RCVRN: variants seen among roughly 807,000 people sequenced by gnomAD.
The protein encoded by RCVRN is recoverin.
RCVRN carries 23 observed loss-of-function variants against 20.4 expected under a neutral mutation model. That is an observed-to-expected ratio of 1.13 (90% CI 0.81 to 1.60). The LOEUF (loss-of-function observed/expected upper bound fraction) is 1.60, where lower values mean the gene tolerates loss of function less well. Among genes scored for constraint, RCVRN ranks in the 40% most tolerant of loss-of-function variants. The pLI is 0.00. For synonymous variants in RCVRN, 105 were observed against 105.9 expected, an observed-to-expected ratio of 0.99 and a Z score of 0.05; for missense variants, 254 against 254.2, an observed-to-expected ratio of 1.00 and a Z score of 0.00.
rs542039905 is a variant in RCVRN, at chr17:9,899,559, T to G, written c.494-1355A>C. Among the ~76,000 whole-genome samples, 2 of 150,270 alleles carry G rather than the reference T, an allele frequency of 1.3e-5. No individual in the cohort carries two copies. Among genetic ancestry groups the G allele is most frequent in the Admixed American group, 1.3e-4 (2 of 15,040 alleles). ...ACACATGAACGGACCCAGAGGGAGGTCGCGAAGCCAGTTAAGGAGCCAGTG... is the reference window on the plus strand; with the variant it reads ...ACACATGAACGGACCCAGAGGGAGGGCGCGAAGCCAGTTAAGGAGCCAGTG... On this transcript the variant is annotated intron_variant, in intron 2 of 2. Transcript: ENST00000226193. The surrounding 1 kb of genome is among the most constrained non-coding windows in gnomAD (Gnocchi z 4.6).
chr17:9,898,181 T>C lies in RCVRN; in HGVS notation c.517A>G (p.Ile173Val). 1 of 1,613,124 alleles carries C rather than the reference T, an allele frequency of 6.2e-7. No individual in the cohort carries two copies. The highest frequency in any genetic ancestry group is 8.5e-7 in the Non-Finnish European group (1 of 1,179,040). The change falls in exon 3 of 3, where the codon ATT becomes GTT. Residue 173 changes from isoleucine (I) to valine (V), a missense_variant. Transcript: ENST00000226193. ...TCCTTATTGGCCAGTGTCCCCTCAA[T>C]GAATTCTTTCTCTGTAAGTTTATCT... Reference protein sequence around the residue: ...DDDKLTEKEFIEGTLANKEIL... With the variant: ...DDDKLTEKEFVEGTLANKEIL...
At chr17:9,903,683 C>T (rs1363038447) in intron 1 of RCVRN, among the ~76,000 whole-genome samples, 5 of 152,286 alleles carry the variant, frequency 3.3e-5, no homozygotes, top group South Asian at 2.1e-4. Context: ...AGTCACGTGT[C>T]GCTCAGAGAC....
At chr17:9,901,490 G>A (rs1245133579) in intron 1 of RCVRN, among the ~76,000 whole-genome samples, 2 of 152,112 alleles carry the variant, frequency 1.3e-5, no homozygotes, top group African/African-American at 4.8e-5. Context: ...GTCAGGCAGG[G>A]GCAATAATGG....
rs78621042 is a variant in RCVRN, at chr17:9,899,466, C to A, written c.494-1262G>T. Among the ~76,000 whole-genome samples the A allele has an allele frequency of 6.6e-6, 1 of 152,210 alleles. No homozygotes were observed. The highest frequency in any genetic ancestry group is 2.4e-5 in the African/African-American group (1 of 41,460). ...AACACGTCGACCTCGGGGCTTCTGA[C>A]GTCATCCCCTCCCGGGATGTTCACC... On this transcript the variant is annotated intron_variant, in intron 2 of 2. Coordinates refer to ENST00000226193, the MANE Select transcript of RCVRN (RefSeq NM_002903.3). The surrounding 1 kb of genome is among the most constrained non-coding windows in gnomAD (Gnocchi z 4.6).
chr17:9,898,240 C>T lies in RCVRN; in HGVS notation c.494-36G>A, dbSNP rs137861058. On this transcript the variant is annotated intron_variant, in intron 2 of 2. Coordinates refer to ENST00000226193, the MANE Select transcript of RCVRN (RefSeq NM_002903.3). ...GGAAAAAATATATACGTACATAAAA[C>T]AGTCAGGATTGATAGCCAAGTGAGC... 22 of 1,338,238 alleles carry T rather than the reference C, an allele frequency of 1.6e-5. No homozygotes were observed. In the East Asian group the frequency reaches 3.9e-4, roughly 24 times the overall value. The allele number at this position is 1,338,238 out of a possible 1,614,324, so 82.9% of individuals were successfully genotyped here. A position where few individuals can be genotyped will look rare whatever the true frequency, so the allele number is the denominator to read the frequency against.
chr17:9,902,826 C>T (rs988580916), intron 1 of RCVRN, among the ~76,000 whole-genome samples: 41 of 152,146 alleles, frequency 2.7e-4, no homozygotes, highest in Non-Finnish European at 2.9e-5. Context: ...GGTGAAACCC[C>T]GTCTCTACTA....
At position 9,898,223 on chromosome 17, in the gene RCVRN, T is replaced by C. The variant is rs763152055; in HGVS notation, c.494-19A>G. 1 of 1,463,130 alleles carries C rather than the reference T, an allele frequency of 6.8e-7. No individual in the cohort carries two copies. The highest frequency in any genetic ancestry group is 9.6e-7 in the Non-Finnish European group (1 of 1,042,134). The allele number at this position is 1,463,130 out of a possible 1,614,324, so 90.6% of individuals were successfully genotyped here. On this transcript the variant is annotated intron_variant, in intron 2 of 2. Coordinates refer to ENST00000226193, the MANE Select transcript of RCVRN (RefSeq NM_002903.3). The stretch of plus-strand genomic sequence containing the variant: ...AGTTTATCTGTGCATTGGGAAAAAA[T>C]ATATACGTACATAAAACAGTCAGGA...
chr17:9,901,131 G>T, intron 1 of RCVRN, 31 bp from the exon 2 acceptor site: 1 of 1,344,394 alleles, frequency 7.4e-7, no homozygotes, highest in Non-Finnish European at 1.0e-6. Context: ...GAACTCGTTA[G>T]GAGGAACTTT....
At chr17:9,902,923 A>T (rs2152054882) in intron 1 of RCVRN, among the ~76,000 whole-genome samples, 1 of 152,178 alleles carries the variant, frequency 6.6e-6, no homozygotes, top group Middle Eastern at 3.4e-3. Context: ...CAGGAGGGGG[A>T]GGTTGCAGTG....
At position 9,905,219 on chromosome 17, in the gene RCVRN, G is replaced by A; in HGVS notation, c.-39C>T. The A allele has an allele frequency of 6.4e-7, 1 of 1,560,938 alleles. No individual in the cohort carries two copies. The highest frequency in any genetic ancestry group is 8.7e-7 in the Non-Finnish European group (1 of 1,155,934). Reference sequence around the variant, plus strand: ...TGGGCAGCGGCTGGGGAGTCGCTGGGTGGGTGGGACGTGCGTGGTCCCCTG... The same window carrying A: ...TGGGCAGCGGCTGGGGAGTCGCTGGATGGGTGGGACGTGCGTGGTCCCCTG... On this transcript the variant is annotated 5_prime_UTR_variant, in exon 1 of 3. Transcript: ENST00000226193.
intron 2 of RCVRN, among the ~76,000 whole-genome samples, chr17:9,900,285 C>T (rs762796901): frequency 7.9e-5 from 12 of 152,174 alleles, no homozygotes; most frequent in Non-Finnish European, 1.3e-4. Flanking sequence ...AGACACACAG[C>T]CCCAGCAGCC....
In RCVRN at chr17:9,904,934, A is replaced by G. The variant is rs2067356849; in HGVS notation, c.247T>C (p.Phe83Leu). 1 of 1,614,174 alleles carries G rather than the reference A, an allele frequency of 6.2e-7. No individual in the cohort carries two copies. The highest frequency in any genetic ancestry group is 2.2e-5 in the East Asian group (1 of 44,880). Residue 83 changes from phenylalanine (F) to leucine (L), a missense_variant, in exon 1 of 3, where the codon TTC becomes CTC. Transcript: ENST00000226193. The surrounding 1 kb of genome is among the most constrained non-coding windows in gnomAD (Gnocchi z 5.8). ...TGCAGGGCGATGACGTACTCCTTGA[A>G]GTCCAGGGTGCCGTCGAGGTTGGAA... ...FDSNLDGTLD[F>L]KEYVIALHMT...
Position 9,904,445 on chromosome 17 carries a change from A to G in RCVRN, c.381+355T>C, listed in dbSNP as rs1161791486. Among the ~76,000 whole-genome samples the G allele has an allele frequency of 6.6e-6, 1 of 152,226 alleles. No individual in the cohort carries two copies. Among genetic ancestry groups the G allele is most frequent in the Non-Finnish European group, 1.5e-5 (1 of 68,034 alleles). On this transcript the variant is annotated intron_variant, in intron 1 of 2. Coordinates refer to ENST00000226193, the MANE Select transcript of RCVRN (RefSeq NM_002903.3). This position sits in a 1 kb window ranked among gnomAD's most constrained non-coding sequence, Gnocchi z 5.8. ...GCTACACTAAATGCATTTGAAAAAT[A>G]AAGTAACTGTGCTATGACGTCACTA... is the stretch of plus-strand genomic sequence containing the variant.
rs1163848635 is a variant in RCVRN at position 9,897,952 on chromosome 17, G to A, written c.*143C>T. On this transcript the variant is annotated 3_prime_UTR_variant, in exon 3 of 3. Coordinates refer to ENST00000226193, the MANE Select transcript of RCVRN (RefSeq NM_002903.3). The stretch of plus-strand genomic sequence containing the variant: ...GCAGGGAGCTGTGCTGTGGGCTTGT[G>A]TGCAGGCCTTTCTCTTGGCCCTGGG... 1.5e-6 allele frequency: 1 copy of A among 662,760 alleles called. No individual in the cohort carries two copies. Among genetic ancestry groups the A allele is most frequent in the Non-Finnish European group, 2.7e-6 (1 of 366,240 alleles). 41.1% of individuals were successfully genotyped at this position (662,760 alleles called of 1,614,324 possible). A position where few individuals can be genotyped will look rare whatever the true frequency, so the allele number is the denominator to read the frequency against.
rs764050659 is a variant in RCVRN at position 9,904,845 on chromosome 17, G to A, written c.336C>T (p.Asp112=). The A allele has an allele frequency of 3.7e-6, 6 of 1,614,024 alleles. No individual in the cohort carries two copies. The highest frequency in any genetic ancestry group is 2.7e-5 in the African/African-American group (2 of 74,928). ...LEWAFSLYDV[D]GNGTISKNEV... ...CATTCTTGCTGATGGTCCCGTTACC[G>A]TCCACGTCGTAGAGGGAGAAGGCCC... is the stretch of plus-strand genomic sequence containing the variant. The change falls in exon 1 of 3, where the codon GAC becomes GAT. Residue 112 remains aspartate (D), a synonymous_variant. Transcript: ENST00000226193. The surrounding 1 kb of genome is among the most constrained non-coding windows in gnomAD (Gnocchi z 5.8).
intron 1 of RCVRN, among the ~76,000 whole-genome samples, chr17:9,902,081 CCT>C (rs993489811): frequency 1.6e-4 from 24 of 151,644 alleles, no homozygotes; most frequent in African/African-American, 5.1e-4. Flanking sequence ...CTTGCTTCCC[CCT>C]CTTTCCTTCC....
rs569190254 is a variant in RCVRN at position 9,904,621 on chromosome 17, G to A, written c.381+179C>T. ...GCTCCGGGAAGACAACGAAGCTGTG[G>A]GCAAGTGCCCACCCCTCTATCAATA... On this transcript the variant is annotated intron_variant, in intron 1 of 2. Coordinates refer to ENST00000226193, the MANE Select transcript of RCVRN (RefSeq NM_002903.3). This position sits in a 1 kb window ranked among gnomAD's most constrained non-coding sequence, Gnocchi z 5.8. Among the ~76,000 whole-genome samples, 2 of 152,268 alleles carry A rather than the reference G, an allele frequency of 1.3e-5. No individual in the cohort carries two copies. Among genetic ancestry groups the A allele is most frequent in the East Asian group, 1.9e-4 (1 of 5,178 alleles).
chr17:9,904,223 CAG>C lies in RCVRN; in HGVS notation c.381+575_381+576del, dbSNP rs2067353109. Among the ~76,000 whole-genome samples the C allele has an allele frequency of 6.6e-6, 1 of 152,118 alleles. No individual in the cohort carries two copies. ...ACTATTGCACTCCAGCTCTGGGCTA[CAG>C]AGTGAGACTCCATCTCAAAAAAATA... On this transcript the variant is annotated intron_variant, in intron 1 of 2. Transcript: ENST00000226193. The surrounding 1 kb of genome is among the most constrained non-coding windows in gnomAD (Gnocchi z 5.8).
rs953173121 is a variant in RCVRN, at chr17:9,904,235, C to G, written c.381+565G>C. On this transcript the variant is annotated intron_variant, in intron 1 of 2. Transcript: ENST00000226193. The surrounding 1 kb of genome is among the most constrained non-coding windows in gnomAD (Gnocchi z 5.8). ...CAGCTCTGGGCTACAGAGTGAGACT[C>G]CATCTCAAAAAAATAAAAAATAAAA... 2.0e-5 allele frequency among the ~76,000 whole-genome samples: 3 copies of G among 152,088 alleles called. No homozygotes were observed. The South Asian group carries it at 6.2e-4, about 32-fold the overall frequency.
Sources: allele counts gnomAD v4.1 joint callset (sites outside exome capture counted in the v4.1 genomes callset), GRCh38; gene constraint gnomAD v4.1.1; non-coding constraint Gnocchi (gnomAD v3.1); transcripts MANE v1.5; gene names NCBI Gene and HGNC (gene_info 2026-07-23, HGNC 2026-07-21).